The following STARD9 variants were observed in gnomAD, a reference collection of about 807,000 sequenced individuals.
The protein encoded by STARD9 is StAR related lipid transfer domain containing 9.
Under a neutral mutation model 399.8 loss-of-function variants are expected in STARD9, and 346 were observed. The observed-to-expected ratio is 0.87, with a 90% CI of 0.79 to 0.95. The LOEUF is 0.95. Among genes scored for constraint, STARD9 ranks in the 40% least tolerant of loss-of-function variants. The pLI is 0.00. For synonymous variants in STARD9, 2,203 were observed against 2,143.5 expected (o/e 1.03, Z -0.77); for missense variants, 5,832 against 5,667.5 (o/e 1.03, Z -0.93).
intron 7 of STARD9, among the ~76,000 whole-genome samples, chr15:42,648,147 A>G (rs2059682986): frequency 6.6e-6 from 1 of 150,624 alleles, no homozygotes; most frequent in South Asian, 2.1e-4. Flanking sequence ...TCTGCTATTG[A>G]CAAGTTCTCT....
rs1224680484 is a variant in STARD9, at chr15:42,692,968, T to A, written c.11390T>A (p.Leu3797His). 7 of 1,537,090 alleles carry A rather than the reference T, an allele frequency of 4.6e-6. No homozygotes were observed. The South Asian group carries it at 7.1e-5, about 16-fold the overall frequency. ...AEETAQKMAQLLYLQEESTPY... is the reference protein window; with the variant it reads ...AEETAQKMAQHLYLQEESTPY... ...GAAACAGCACAGAAAATGGCTCAGC[T>A]CCTCTATCTTCAGGAAGAAAGCACT... is the stretch of plus-strand genomic sequence containing the variant. Residue 3797 changes from leucine (L) to histidine (H), a missense_variant, in exon 23 of 33, where the codon CTC becomes CAC. Leu to His is a moderately conservative substitution (Grantham distance 99). Coordinates refer to ENST00000290607, the MANE Select transcript of STARD9 (RefSeq NM_020759.3).
intron 3 of STARD9, among the ~76,000 whole-genome samples, chr15:42,622,849 C>T (rs2059117993): frequency 6.6e-6 from 1 of 152,110 alleles, no homozygotes; most frequent in Admixed American, 6.5e-5. Context: ...GTGATACAGT[C>T]CTGGGGTCAA....
At position 42,628,412 on chromosome 15, in the gene STARD9, A is replaced by G. The variant is rs530246710; in HGVS notation, c.235-6444A>G. ...CACTTGGTTGATTGTTTCCTTTGCT[A>G]TGCAGAAGCTTTTTAACTTGATGTG... is the stretch of plus-strand genomic sequence containing the variant. On this transcript the variant is annotated intron_variant, in intron 3 of 32. Transcript: ENST00000290607. 4.6e-5 allele frequency among the ~76,000 whole-genome samples: 7 copies of G among 152,154 alleles called. No homozygotes were observed. The South Asian group carries it at 6.2e-4, about 14-fold the overall frequency.
intron 10 of STARD9, among the ~76,000 whole-genome samples, 157 bp downstream of exon 10, chr15:42,661,382 G>A (rs547725013): frequency 7.9e-5 from 12 of 152,290 alleles, no homozygotes; most frequent in Middle Eastern, 3.4e-3. Flanking sequence ...TTTTCTAGGG[G>A]CCGAAAAGTT....
intron 2 of STARD9, among the ~76,000 whole-genome samples, chr15:42,584,692 A>G (rs2058239471): frequency 6.6e-6 from 1 of 152,096 alleles, no homozygotes; most frequent in Non-Finnish European, 1.5e-5. Flanking sequence ...ACTCTCATCT[A>G]CCTTGAGCAG....
rs1467194385 is a variant in STARD9 at position 42,689,863 on chromosome 15, A to G, written c.8285A>G (p.Gln2762Arg). The change falls in exon 23 of 33, where the codon CAG becomes CGG. Residue 2762 changes from glutamine (Q) to arginine (R), a missense_variant. Transcript: ENST00000290607. ...DPRVTLHELS[Q>R]SVPQETAEGI... is the part of the protein sequence containing the mutation. ...AGAGTGACTCTGCATGAGCTAAGTC[A>G]GTCAGTTCCGCAGGAGACTGCAGAG... is the stretch of plus-strand genomic sequence containing the variant. 9 of 1,537,364 alleles carry G rather than the reference A, an allele frequency of 5.9e-6. No homozygotes were observed. Among genetic ancestry groups the G allele is most frequent in the Non-Finnish European group, 7.8e-6 (9 of 1,146,956 alleles).
chr15:42,583,084 G>A (rs894004295), intron 1 of STARD9, among the ~76,000 whole-genome samples: 8 of 152,206 alleles, frequency 5.3e-5, no homozygotes, highest in Non-Finnish European at 1.2e-4. Flanking sequence ...AGAACAATAT[G>A]TAGTGCCCCT....
At chr15:42,668,211 A>G (rs972478669) in intron 15 of STARD9, among the ~76,000 whole-genome samples, 6 of 152,186 alleles carry the variant, frequency 3.9e-5, no homozygotes, top group African/African-American at 1.4e-4. Context: ...AGGGGTCCCT[A>G]TCCAACCCAG....
In STARD9 at chr15:42,654,723, G is replaced by A. The variant is rs577550538; in HGVS notation, c.702+2131G>A. ...ATACTTAGGCATACACTTAACCAAG[G>A]AGGTGAAAGACCTGTACAAGAAGAA... On this transcript the variant is annotated intron_variant, in intron 9 of 32. Transcript: ENST00000290607. 2.5e-4 allele frequency among the ~76,000 whole-genome samples: 38 copies of A among 152,046 alleles called. No individual in the cohort carries two copies. In the South Asian group the frequency reaches 7.9e-3, roughly 32 times the overall value.
intron 3 of STARD9, among the ~76,000 whole-genome samples, chr15:42,621,709 G>A (rs780107990): frequency 1.2e-4 from 18 of 152,182 alleles, no homozygotes; most frequent in Non-Finnish European, 1.9e-4. Flanking sequence ...CATTTAGTTA[G>A]GTTATAATCA....
chr15:42,692,581 C>T lies in STARD9; in HGVS notation c.11003C>T (p.Ala3668Val). ...CAGCCTGAAGCCAGTGCAGTATCAG[C>T]CTTTGATCTGGCCTCATGGACCAGC... ...FAQPEASAVS[A>V]FDLASWTSMH... Residue 3668 changes from alanine (A) to valine (V), a missense_variant, in exon 23 of 33, where the codon GCC becomes GTC. By Grantham distance (64) the Ala-to-Val change is moderately conservative. Transcript: ENST00000290607. 6.5e-7 allele frequency: 1 copy of T among 1,537,222 alleles called. No individual in the cohort carries two copies. The highest frequency in any genetic ancestry group is 8.7e-7 in the Non-Finnish European group (1 of 1,146,918).
At chr15:42,578,614 T>C (rs1195497973) in intron 1 of STARD9, among the ~76,000 whole-genome samples, 1 of 150,092 alleles carries the variant, frequency 6.7e-6, no homozygotes, top group Admixed American at 6.6e-5. Context: ...CTTTACCCAC[T>C]GTATAGCTTT....
At position 42,690,009 on chromosome 15, in the gene STARD9, C is replaced by G. The variant is rs1037163339; in HGVS notation, c.8431C>G (p.His2811Asp). 3 of 1,537,198 alleles carry G rather than the reference C, an allele frequency of 2.0e-6. No individual in the cohort carries two copies. The African/African-American group carries it at 4.1e-5, about 21-fold the overall frequency. ...GACTGCACAGGGAGAAAAAACAGCC[C>G]ATTTTGAAAGTCAGTCTGTGACCTG... ...LVTAQGEKTA[H>D]FESQSVTCDV... The change falls in exon 23 of 33, where the codon CAT (histidine) becomes GAT (aspartate). Residue 2811 changes from histidine to aspartate, a missense_variant. Around this residue, in one of 2 missense-constraint regions of STARD9, gnomAD observed 5,828 missense variants for 5,651.1 expected, o/e 1.03. Transcript: ENST00000290607.
intron 4 of STARD9, 26 bp downstream of exon 4, chr15:42,634,998 C>T: frequency 7.6e-7 from 1 of 1,313,940 alleles, no homozygotes; most frequent in South Asian, 1.3e-5. Context: ...ATATATATTC[C>T]TAATGCCACA....
chr15:42,634,618 C>T (rs1439223624), intron 3 of STARD9, among the ~76,000 whole-genome samples: 2 of 152,152 alleles, frequency 1.3e-5, no homozygotes, highest in African/African-American at 2.4e-5. Context: ...TGTATCTTAT[C>T]TTCAGAGTCT....
Position 42,575,634 on chromosome 15 carries a change from T to A in STARD9, c.-82T>A, listed in dbSNP as rs959372471. The A allele has an allele frequency of 1.4e-6, 2 of 1,452,562 alleles. No individual in the cohort carries two copies. Among genetic ancestry groups the A allele is most frequent in the Non-Finnish European group, 1.9e-6 (2 of 1,074,646 alleles). 90.0% of individuals were successfully genotyped at this position (1,452,562 alleles called of 1,614,324 possible). A position where few individuals can be genotyped will look rare whatever the true frequency, so the allele number is the denominator to read the frequency against. On this transcript the variant is annotated 5_prime_UTR_variant, in exon 1 of 33. The change creates a new upstream start codon in the 5' untranslated region. Coordinates refer to ENST00000290607, the MANE Select transcript of STARD9 (RefSeq NM_020759.3). ...GGCGCGTGGGGCGGGCGGGGCTGGG[T>A]TGGGGCTGTGTCTGGGCTTAGGGCG...
intron 1 of STARD9, among the ~76,000 whole-genome samples, chr15:42,579,727 C>A (rs995839238): frequency 2.0e-5 from 3 of 152,162 alleles, no homozygotes; most frequent in African/African-American, 4.8e-5. Flanking sequence ...AAATGCAGTT[C>A]TTTTCTAAGA....
In STARD9 at chr15:42,693,887, C is replaced by A; in HGVS notation, c.12309C>A (p.Ala4103=). ...ATACTGCAGGGCTCCGAGGTTCTGC[C>A]TTGGGCCTCCCTCAGGCCTGCCAAC... The part of the protein sequence containing the change: ...LTDTAGLRGS[A]LGLPQACQPE... Residue 4103 remains alanine (A), a synonymous_variant, in exon 23 of 33, where the codon GCC becomes GCA. Coordinates refer to ENST00000290607, the MANE Select transcript of STARD9 (RefSeq NM_020759.3). The A allele has an allele frequency of 6.5e-7, 1 of 1,531,592 alleles. No individual in the cohort carries two copies. The highest frequency in any genetic ancestry group is 8.7e-7 in the Non-Finnish European group (1 of 1,143,124). 94.9% of individuals were successfully genotyped at this position (1,531,592 alleles called of 1,614,324 possible). A position where few individuals can be genotyped will look rare whatever the true frequency, so the allele number is the denominator to read the frequency against.
At chr15:42,628,622 G>A (rs2059271023) in intron 3 of STARD9, among the ~76,000 whole-genome samples, 1 of 152,076 alleles carries the variant, frequency 6.6e-6, no homozygotes, top group Non-Finnish European at 1.5e-5. Context: ...TGAGAGATAG[G>A]GGTCAAGTTT....
Sources: gnomAD v4.1 joint callset for allele counts (sites outside exome capture counted in the v4.1 genomes callset) on GRCh38, gnomAD v4.1.1 for gene constraint, gnomAD v4.1.1 regional missense constraint, MANE v1.5 for transcripts, NCBI Gene and HGNC (gene_info 2026-07-23, HGNC 2026-07-21) for gene names.